Variants in ARL15 observed in about 807,000 individuals in gnomAD.
ARL15 encodes the protein ADP-ribosylation factor-like protein 15.
In ARL15, 19 loss-of-function variants were observed where a neutral mutation model predicts 25.2. That is an observed-to-expected ratio of 0.75 (90% CI 0.53 to 1.10). The LOEUF (loss-of-function observed/expected upper bound fraction) is 1.10, where lower values mean the gene tolerates loss of function less well. ARL15 is among the 50% of genes least tolerant of loss of function. The pLI is 0.00. For synonymous variants in ARL15, 94 were observed against 86.8 expected, an observed-to-expected ratio of 1.08 and a Z score of -0.46; for missense variants, 220 against 246.0, an observed-to-expected ratio of 0.89 and a Z score of 0.71.
chr5:53,973,880 G>T (rs1747837453), intron 4 of ARL15, among the ~76,000 whole-genome samples: 1 of 151,930 alleles, frequency 6.6e-6, no homozygotes, highest in Non-Finnish European at 1.5e-5. Context: ...CATAAATAAT[G>T]CTATTTTCAA....
chr5:54,047,223 T>C (rs919305329), intron 4 of ARL15, among the ~76,000 whole-genome samples: 1 of 152,162 alleles, frequency 6.6e-6, no homozygotes, highest in Non-Finnish European at 1.5e-5. Context: ...ACTGAGGGAC[T>C]GCATTAAACA....
intron 1 of ARL15, among the ~76,000 whole-genome samples, chr5:54,277,738 T>A (rs555969376): frequency 1.3e-3 from 197 of 151,582 alleles, no homozygotes; most frequent in African/African-American, 4.7e-3. Context: ...GGTGACAGAG[T>A]GAGACTTCGT....
intron 4 of ARL15, among the ~76,000 whole-genome samples, chr5:53,979,844 T>C (rs1748064196): frequency 2.4e-5 from 1 of 40,900 alleles, no homozygotes. Context: ...TGTGTGTGTG[T>C]GTGTGTGTGT....
chr5:54,094,632 C>T (rs1752229401), intron 4 of ARL15, among the ~76,000 whole-genome samples: 3 of 152,010 alleles, frequency 2.0e-5, no homozygotes, highest in Admixed American at 6.6e-5. Context: ...TTCATTTTAC[C>T]TACCTCTAAA....
chr5:54,186,173 C>T (rs570313852), intron 1 of ARL15, among the ~76,000 whole-genome samples: 2 of 152,236 alleles, frequency 1.3e-5, no homozygotes, highest in East Asian at 3.9e-4. Context: ...CAGAAGTGTC[C>T]GTAATCCCTG....
intron 1 of ARL15, among the ~76,000 whole-genome samples, chr5:54,229,903 G>A (rs182829024): frequency 6.6e-6 from 1 of 152,088 alleles, no homozygotes; most frequent in African/African-American, 2.4e-5. Flanking sequence ...CTTTAAACCT[G>A]GATTCATAGA....
intron 4 of ARL15, among the ~76,000 whole-genome samples, 195 bp from the exon 5 acceptor site, chr5:53,886,908 T>C (rs1391587106): frequency 1.3e-5 from 2 of 152,088 alleles, no homozygotes; most frequent in East Asian, 1.9e-4. Context: ...CTGGGAGTGT[T>C]TTCTTTAGAG....
intron 4 of ARL15, among the ~76,000 whole-genome samples, chr5:53,953,870 T>C (rs1043272179): frequency 1.3e-5 from 2 of 152,214 alleles, no homozygotes; most frequent in South Asian, 2.1e-4. Context: ...TACGCTTTAA[T>C]GAATTATCTA....
intron 4 of ARL15, among the ~76,000 whole-genome samples, chr5:54,071,516 C>T (rs866222869): frequency 1.8e-5 from 2 of 108,958 alleles, no homozygotes; most frequent in African/African-American, 7.5e-5. Context: ...CCTTTCCCCC[C>T]CCCCCCCCCG....
Position 54,193,742 on chromosome 5 carries a change from C to T in ARL15, c.49-21814G>A, listed in dbSNP as rs552318056. 4.0e-5 allele frequency among the ~76,000 whole-genome samples: 4 copies of T among 99,504 alleles called. No homozygotes were observed. In the East Asian group the frequency reaches 8.6e-4, roughly 21 times the overall value. The allele number at this position is 99,504 out of a possible 152,430, so 65.3% of individuals were successfully genotyped here. A position where few individuals can be genotyped will look rare whatever the true frequency, so the allele number is the denominator to read the frequency against. On this transcript the variant is annotated intron_variant, in intron 1 of 4. Transcript: ENST00000504924. ...AAGCCTTCATTTTTTTTTTTTTTTCCAGAACTGTAACTACTTCGACTTATG... is the reference window on the plus strand; with the variant it reads ...AAGCCTTCATTTTTTTTTTTTTTTCTAGAACTGTAACTACTTCGACTTATG...
At chr5:54,208,621 A>G (rs1041002490) in intron 1 of ARL15, among the ~76,000 whole-genome samples, 2 of 152,188 alleles carry the variant, frequency 1.3e-5, no homozygotes, top group Admixed American at 1.3e-4. Context: ...CAAAACTATG[A>G]TGGACAATTA....
intron 4 of ARL15, among the ~76,000 whole-genome samples, chr5:54,080,010 C>CACACACACAT (rs775031344): frequency 6.9e-5 from 10 of 144,784 alleles, no homozygotes; most frequent in South Asian, 4.5e-4. Context: ...CACACACACA[C>CACACACACAT]ACACACAGAC....
chr5:53,887,975 C>A (rs913871016), intron 4 of ARL15, among the ~76,000 whole-genome samples: 7 of 151,848 alleles, frequency 4.6e-5, no homozygotes, highest in Non-Finnish European at 8.8e-5. Context: ...ATAAGAAATA[C>A]TAAGCTATTA....
intron 4 of ARL15, among the ~76,000 whole-genome samples, chr5:54,102,994 G>A (rs901244939): frequency 1.3e-5 from 2 of 152,030 alleles, no homozygotes; most frequent in African/African-American, 2.4e-5. Flanking sequence ...AAACATTATA[G>A]CCCATAATCT....
intron 4 of ARL15, among the ~76,000 whole-genome samples, chr5:54,036,619 G>C (rs1054516711): frequency 1.3e-5 from 2 of 152,140 alleles, no homozygotes; most frequent in Admixed American, 6.5e-5. Context: ...TAAGCTGAAT[G>C]AGAAGCACTT....
intron 1 of ARL15, among the ~76,000 whole-genome samples, chr5:54,245,520 T>A (rs1757064858): frequency 6.6e-6 from 1 of 152,150 alleles, no homozygotes; most frequent in South Asian, 2.1e-4. Context: ...CTGGCTATGA[T>A]GTAACTTCAG....
intron 3 of ARL15, among the ~76,000 whole-genome samples, chr5:54,153,591 T>C (rs1371579604): frequency 6.6e-6 from 1 of 152,198 alleles, no homozygotes; most frequent in Non-Finnish European, 1.5e-5. Context: ...TTATTGATCA[T>C]GGTTGTTTTA....
chr5:54,195,949 A>G (rs938710969), intron 1 of ARL15, among the ~76,000 whole-genome samples: 4 of 152,118 alleles, frequency 2.6e-5, no homozygotes. Flanking sequence ...CCTTCCAAAT[A>G]GCAGAAAAGC....
intron 2 of ARL15, among the ~76,000 whole-genome samples, chr5:54,165,237 C>A (rs1378760842): frequency 6.6e-6 from 1 of 151,930 alleles, no homozygotes; most frequent in Non-Finnish European, 1.5e-5. Flanking sequence ...TGTTTAAAGA[C>A]ATACCTCTTA....
Sources: gnomAD v4.1 joint callset for allele counts (sites outside exome capture counted in the v4.1 genomes callset) on GRCh38, gnomAD v4.1.1 for gene constraint, MANE v1.5 for transcripts, NCBI Gene and HGNC (gene_info 2026-07-23, HGNC 2026-07-21) for gene names.